The following TAFA2 variants were observed in gnomAD, a reference collection of about 807,000 sequenced individuals.
TAFA2 encodes chemokine-like protein TAFA-2.
A neutral mutation model predicts 18.8 loss-of-function variants in TAFA2; 7 were observed. That is an observed-to-expected ratio of 0.37 (90% CI 0.21 to 0.70). The LOEUF (loss-of-function observed/expected upper bound fraction) is 0.70. Ranked by LOEUF, TAFA2 falls within the 30% of genes least tolerant of loss-of-function variation. The pLI, the probability that TAFA2 is intolerant of heterozygous loss-of-function variation, is 0.53. For synonymous variants in TAFA2, 60 were observed against 54.2 expected, an observed-to-expected ratio of 1.11 and a Z score of -0.47; for missense variants, 122 against 158.1, an observed-to-expected ratio of 0.77 and a Z score of 1.23.
At chr12:62,186,909 A>T (rs2062589990) in intron 1 of TAFA2, among the ~76,000 whole-genome samples, 1 of 152,168 alleles carries the variant, frequency 6.6e-6, no homozygotes, top group African/African-American at 2.4e-5. Flanking sequence ...TATTCCACTG[A>T]CTAGCTTGCC....
chr12:62,088,703 GAGGATTGTGGCACAGGAAT>G (rs71881512), intron 1 of TAFA2, among the ~76,000 whole-genome samples: 27,938 of 150,996 alleles, frequency 0.19, 2,799 homozygotes, highest in East Asian at 0.38. Flanking sequence ...TCCTTTGAAG[GAGGATTGTGGCACAGGAAT>G]ATCTAGCATC....
chr12:62,162,587 G>C (rs760451401), intron 1 of TAFA2, among the ~76,000 whole-genome samples: 51 of 152,228 alleles, frequency 3.4e-4, no homozygotes, highest in Non-Finnish European at 5.9e-4. Flanking sequence ...TGGGATGAAG[G>C]AGTTCTTGTC....
Position 61,878,123 on chromosome 12 carries a change from A to G in TAFA2, c.-1-10697T>C, listed in dbSNP as rs1292314867. ...TCAAATTCGTTGAGACAGAAAGTAGAATAGAGATTACCAGGAGCTGAAGGG... is the reference window on the plus strand; with the variant it reads ...TCAAATTCGTTGAGACAGAAAGTAGGATAGAGATTACCAGGAGCTGAAGGG... On this transcript the variant is annotated intron_variant, in intron 1 of 4. Transcript: ENST00000416284. 4 of 455,004 alleles carry G rather than the reference A, an allele frequency of 8.8e-6. No homozygotes were observed. The Admixed American group carries it at 9.4e-5, about 11-fold the overall frequency. 28.2% of individuals were successfully genotyped at this position (455,004 alleles called of 1,614,324 possible).
intron 1 of TAFA2, among the ~76,000 whole-genome samples, chr12:62,171,479 A>T (rs1473240070): frequency 6.6e-6 from 1 of 152,206 alleles, no homozygotes; most frequent in African/African-American, 2.4e-5. Context: ...CCCGAAATTT[A>T]TGTGTTGGGG....
chr12:62,029,278 A>C (rs1004457374), intron 1 of TAFA2, among the ~76,000 whole-genome samples: 1 of 152,182 alleles, frequency 6.6e-6, no homozygotes, highest in South Asian at 2.1e-4. Context: ...GAAAACCATT[A>C]ATTGTGAAAC....
At chr12:61,768,233 AG>A (rs1367970488) in intron 2 of TAFA2, among the ~76,000 whole-genome samples, 4 of 152,172 alleles carry the variant, frequency 2.6e-5, no homozygotes, top group African/African-American at 9.6e-5. Context: ...AGAATAGATA[AG>A]CTGAACTTCA....
chr12:62,015,443 A>G (rs1353131693), intron 1 of TAFA2, among the ~76,000 whole-genome samples: 3 of 152,246 alleles, frequency 2.0e-5, no homozygotes, highest in East Asian at 1.9e-4. Context: ...GAGTTCCTCA[A>G]TTAGCTGATC....
At chr12:61,997,167 A>ATGTGTGTGTGTGTGTGTGTGTGTGTG (rs35419865) in intron 1 of TAFA2, among the ~76,000 whole-genome samples, 4 of 145,556 alleles carry the variant, frequency 2.7e-5, no homozygotes, top group East Asian at 2.0e-4. Flanking sequence ...ATATGTATAT[A>ATGTGTGTGTGTGTGTGTGTGTGTGTG]TGTGTGTGTG....
chr12:61,838,615 A>G (rs934195854), intron 2 of TAFA2, among the ~76,000 whole-genome samples: 22 of 151,994 alleles, frequency 1.4e-4, no homozygotes, highest in South Asian at 6.2e-4. Flanking sequence ...AGCAATTTTC[A>G]TATTCATCCT....
At chr12:62,044,819 A>G (rs1371555375) in intron 1 of TAFA2, among the ~76,000 whole-genome samples, 1 of 152,156 alleles carries the variant, frequency 6.6e-6, no homozygotes, top group East Asian at 1.9e-4. Flanking sequence ...GATATAATGG[A>G]AAAATGAAGG....
chr12:62,116,512 T>C (rs1203055300), intron 1 of TAFA2, among the ~76,000 whole-genome samples: 3 of 152,126 alleles, frequency 2.0e-5, no homozygotes, highest in Non-Finnish European at 4.4e-5. Flanking sequence ...TATTTAACAG[T>C]GGTTAATTTT....
At chr12:61,711,113 C>T (rs78506266) in intron 4 of TAFA2, among the ~76,000 whole-genome samples, 2,879 of 152,062 alleles carry the variant, frequency 0.019, 86 homozygotes, top group African/African-American at 0.064. Context: ...TTCATACTAA[C>T]TTCACACCTA....
chr12:62,233,011 C>G (rs186445420), intron 1 of TAFA2, among the ~76,000 whole-genome samples: 376 of 151,534 alleles, frequency 2.5e-3, no homozygotes, highest in Middle Eastern at 0.01. Flanking sequence ...CCTTTCTAAC[C>G]CCCTTACCCA....
At chr12:62,220,481 C>T (rs547024148) in intron 1 of TAFA2, among the ~76,000 whole-genome samples, 2 of 152,170 alleles carry the variant, frequency 1.3e-5, no homozygotes, top group Non-Finnish European at 2.9e-5. Flanking sequence ...TTTTGGGAGA[C>T]AGTTTTGCAG....
At chr12:62,081,471 T>A (rs1868323249) in intron 1 of TAFA2, among the ~76,000 whole-genome samples, 1 of 148,096 alleles carries the variant, frequency 6.8e-6, no homozygotes. Context: ...GTTTTTTTTG[T>A]TTTTTATTTT....
intron 1 of TAFA2, among the ~76,000 whole-genome samples, chr12:62,030,364 G>A (rs540989633): frequency 5.9e-5 from 9 of 152,238 alleles, no homozygotes; most frequent in African/African-American, 2.2e-4. Context: ...CCCGAATTGA[G>A]ATAATGTTAA....
intron 1 of TAFA2, among the ~76,000 whole-genome samples, chr12:62,044,031 T>G (rs996947090): frequency 1.3e-5 from 2 of 152,100 alleles, no homozygotes; most frequent in Non-Finnish European, 2.9e-5. Context: ...CTTGCAAGTG[T>G]TCTACACAAT....
intron 1 of TAFA2, among the ~76,000 whole-genome samples, chr12:62,014,061 G>T (rs1017092418): frequency 4.6e-5 from 7 of 152,122 alleles, no homozygotes; most frequent in African/African-American, 1.7e-4. Context: ...ACTGTGGAAT[G>T]CATTTAACAA....
chr12:62,250,144 T>G (rs927362810), intron 1 of TAFA2, among the ~76,000 whole-genome samples: 3 of 152,210 alleles, frequency 2.0e-5, no homozygotes, highest in African/African-American at 7.2e-5. Context: ...ATGTTGTAAA[T>G]TCAGTCTCTT....
Sources: allele counts gnomAD v4.1 joint callset (sites outside exome capture counted in the v4.1 genomes callset), GRCh38; gene constraint gnomAD v4.1.1; transcripts MANE v1.5; gene names NCBI Gene and HGNC (gene_info 2026-07-23, HGNC 2026-07-21).